SERPINI2: variants seen among roughly 807,000 people sequenced by gnomAD.
The protein encoded by SERPINI2 is serpin I2.
In SERPINI2, 48 loss-of-function variants were observed where a neutral mutation model predicts 47.3. The ratio of observed to expected loss-of-function variants is 1.02; its 90% CI spans 0.81 to 1.29. The LOEUF (loss-of-function observed/expected upper bound fraction) is 1.29, where lower values mean the gene tolerates loss of function less well. SERPINI2 is among the 50% of genes most tolerant of loss of function. The pLI is 0.00. For missense variants in SERPINI2, 448 were observed against 456.9 expected (o/e 0.98, Z 0.18); for synonymous variants, 135 against 149.3 (o/e 0.90, Z 0.70).
intron 5 of SERPINI2, among the ~76,000 whole-genome samples, chr3:167,464,587 CTT>C (rs34638593): frequency 0.093 from 14,155 of 152,134 alleles, 687 homozygotes; most frequent in Non-Finnish European, 0.11. Context: ...ACATAAATCT[CTT>C]TTTATAAGTT....
At position 167,470,418 on chromosome 3, in the gene SERPINI2, T is replaced by C. The variant is rs1041383837; in HGVS notation, c.247+1170A>G. The stretch of plus-strand genomic sequence containing the variant: ...TGATAAGAAAAATACACTGAAATTA[T>C]AGTTGTAGCAACTAAATTCCCAAAT... On this transcript the variant is annotated intron_variant, in intron 2 of 8. Coordinates refer to ENST00000264677, the Ensembl canonical transcript of SERPINI2. Among the ~76,000 whole-genome samples, 91 of 152,248 alleles carry C rather than the reference T, an allele frequency of 6.0e-4. 1 individual carries two copies. Among genetic ancestry groups the C allele is most frequent in the African/African-American group, 2.1e-3 (88 of 41,554 alleles).
chr3:167,470,286 A>G (rs1199180117), intron 2 of SERPINI2, among the ~76,000 whole-genome samples: 2 of 152,150 alleles, frequency 1.3e-5, no homozygotes, highest in Admixed American at 1.3e-4. Flanking sequence ...TCACTTCACT[A>G]TTACCAACGT....
intron 7 of SERPINI2, among the ~76,000 whole-genome samples, chr3:167,448,602 A>G (rs1749546265): frequency 6.6e-6 from 1 of 152,126 alleles, no homozygotes; most frequent in Non-Finnish European, 1.5e-5. Flanking sequence ...GGCTCACTAC[A>G]AGCTCTGCCT....
At chr3:167,467,327 T>A (rs774339165) in intron 2 of SERPINI2, 42 bp from the exon 3 acceptor site, 1 of 1,406,618 alleles carries the variant, frequency 7.1e-7, no homozygotes, top group South Asian at 1.2e-5. Context: ...TTGAACAACA[T>A]AAAAACAACA....
chr3:167,452,337 A>G (rs1749664771), intron 6 of SERPINI2, among the ~76,000 whole-genome samples: 1 of 152,166 alleles, frequency 6.6e-6, no homozygotes, highest in African/African-American at 2.4e-5. Flanking sequence ...AAGAATTCAA[A>G]GACTATCTTG....
intron 5 of SERPINI2, among the ~76,000 whole-genome samples, chr3:167,453,521 G>T (rs190778223): frequency 6.6e-6 from 1 of 152,050 alleles, no homozygotes; most frequent in Non-Finnish European, 1.5e-5. Flanking sequence ...CATTCATCTC[G>T]CCCATTGTCA....
intron 6 of SERPINI2, 135 bp downstream of exon 6, chr3:167,452,801 A>C: frequency 2.0e-6 from 1 of 504,090 alleles, no homozygotes; most frequent in Non-Finnish European, 3.5e-6. Flanking sequence ...AGACAGCTCA[A>C]CATGACTATG....
intron 5 of SERPINI2, among the ~76,000 whole-genome samples, chr3:167,456,760 A>AT (rs1175434015): frequency 6.6e-6 from 1 of 152,196 alleles, no homozygotes; most frequent in East Asian, 1.9e-4. Context: ...CATCAAATTG[A>AT]TTGAGGAATT....
chr3:167,459,467 A>G (rs1452797767), intron 5 of SERPINI2, among the ~76,000 whole-genome samples: 1 of 152,148 alleles, frequency 6.6e-6, no homozygotes, highest in Non-Finnish European at 1.5e-5. Flanking sequence ...CAACTGCAGG[A>G]TGATGTCCAA....
intron 8 of SERPINI2, among the ~76,000 whole-genome samples, chr3:167,444,435 CT>C (rs1234911645): frequency 1.3e-5 from 2 of 152,018 alleles, no homozygotes; most frequent in African/African-American, 2.4e-5. Context: ...TGTACTAAAC[CT>C]AAAATCATTC....
chr3:167,471,868 A>G, intron 1 of SERPINI2, 24 bp from the exon 2 acceptor site: 1 of 1,559,748 alleles, frequency 6.4e-7, no homozygotes, highest in Non-Finnish European at 8.8e-7. Context: ...ATCAAAATAT[A>G]TTCATTTTCA....
intron 2 of SERPINI2, among the ~76,000 whole-genome samples, chr3:167,471,277 A>C (rs890506218): frequency 2.6e-5 from 4 of 152,178 alleles, no homozygotes; most frequent in Admixed American, 2.6e-4. Context: ...GTACATACAC[A>C]CACACACATG....
intron 6 of SERPINI2, 36 bp downstream of exon 6, chr3:167,452,900 T>A: frequency 2.2e-6 from 3 of 1,352,022 alleles, no homozygotes; most frequent in Non-Finnish European, 3.1e-6. Flanking sequence ...ACAAAACAAA[T>A]TAACATCATA....
At position 167,453,041 on chromosome 3, in the gene SERPINI2, TA is replaced by T. The variant is rs372823238; in HGVS notation, c.867-9del. 4.4e-3 allele frequency: 5,876 copies of T among 1,322,178 alleles called. No individual in the cohort carries two copies. Among genetic ancestry groups the T allele is most frequent in the South Asian group, 6.5e-3 (453 of 69,602 alleles). 81.9% of individuals were successfully genotyped at this position (1,322,178 alleles called of 1,614,324 possible). A position where few individuals can be genotyped will look rare whatever the true frequency, so the allele number is the denominator to read the frequency against. ...TTTTGTTCTACTTTAAATCTGTTAT[TA>T]AAAAAAAAAGAAAAAGAAAAGTCTT... On this transcript the variant is annotated splice_polypyrimidine_tract_variant and intron_variant, in intron 5 of 8. Coordinates refer to ENST00000264677, the Ensembl canonical transcript of SERPINI2.
At position 167,453,072 on chromosome 3, in the gene SERPINI2, C is replaced by T. The variant is rs113539605; in HGVS notation, c.867-39G>A. The stretch of plus-strand genomic sequence containing the variant: ...AAAAAGAAAAAGAAAAGTCTTGAAA[C>T]ACTGCACATTTTTGCTACCAATTTT... On this transcript the variant is annotated intron_variant, in intron 5 of 8. Coordinates refer to ENST00000264677, the Ensembl canonical transcript of SERPINI2. 422 of 1,193,998 alleles carry T rather than the reference C, an allele frequency of 3.5e-4. 1 individual carries two copies. The African/African-American group carries it at 5.9e-3, about 17-fold the overall frequency. 74.0% of individuals were successfully genotyped at this position (1,193,998 alleles called of 1,614,324 possible). A position where few individuals can be genotyped will look rare whatever the true frequency, so the allele number is the denominator to read the frequency against.
chr3:167,459,078 G>GTTTTTTTTTT (rs536122299), intron 5 of SERPINI2, among the ~76,000 whole-genome samples: 3 of 139,026 alleles, frequency 2.2e-5, no homozygotes, highest in Admixed American at 7.1e-5. Flanking sequence ...GTTTTTTTTT[G>GTTTTTTTTTT]TTTTTTTTTT....
chr3:167,449,976 T>C (rs1163948632), intron 6 of SERPINI2, among the ~76,000 whole-genome samples: 3 of 152,198 alleles, frequency 2.0e-5, no homozygotes, highest in African/African-American at 7.2e-5. Flanking sequence ...AAATCAGGTA[T>C]CCAACTAAGT....
intron 1 of SERPINI2, 115 bp from the exon 2 acceptor site, chr3:167,471,959 A>T (rs959850606): frequency 7.3e-6 from 5 of 685,738 alleles, no homozygotes; most frequent in Admixed American, 2.6e-5. Context: ...TTACTACCAC[A>T]AGTGAACTCT....
At chr3:167,457,352 G>A (rs1198487959) in intron 5 of SERPINI2, among the ~76,000 whole-genome samples, 1 of 152,172 alleles carries the variant, frequency 6.6e-6, no homozygotes, top group Non-Finnish European at 1.5e-5. Context: ...CCCAGGTAAG[G>A]ACTACTACAA....
Sources: allele counts gnomAD v4.1 joint callset (sites outside exome capture counted in the v4.1 genomes callset), GRCh38; gene constraint gnomAD v4.1.1; transcripts MANE v1.5; gene names NCBI Gene and HGNC (gene_info 2026-07-23, HGNC 2026-07-21).